Variants in NOMO2 observed in about 807,000 individuals in gnomAD.
The protein encoded by NOMO2 is NODAL modulator 2.
A neutral mutation model predicts 67.1 loss-of-function variants in NOMO2; 14 were observed. That is an observed-to-expected ratio of 0.21 (90% CI 0.14 to 0.33). The LOEUF (loss-of-function observed/expected upper bound fraction) is 0.33. Among genes scored for constraint, NOMO2 ranks in the 10% least tolerant of loss-of-function variants. The probability of loss-of-function intolerance (pLI) is 1.00; values close to 1 mark genes in which losing one functional copy is unlikely to be tolerated. For synonymous variants in NOMO2, 80 were observed against 305.9 expected (o/e 0.26, Z 7.71); for missense variants, 178 against 761.0 (o/e 0.23, Z 9.01).
chr16:18,535,768 A>G (rs528919743), intron 11 of NOMO2, among the ~76,000 whole-genome samples: 8 of 151,744 alleles, frequency 5.3e-5, no homozygotes, highest in Non-Finnish European at 1.0e-4. Context: ...TTAAAGTACC[A>G]TGATCCCTAT....
rs567785464 is a variant in NOMO2 at position 18,529,615 on chromosome 16, C to A, written c.1692G>T (p.Trp564Cys). Residue 564 changes from tryptophan (W) to cysteine (C), a missense_variant, in exon 15 of 31, where the codon TGG (tryptophan) becomes TGT (cysteine). Trp to Cys is a radical substitution (Grantham distance 215). Coordinates refer to ENST00000622306, the MANE Select transcript of NOMO2 (RefSeq NM_173614.4). ...KYKISIMHED[W>C]CWKNKSLEVE... is the part of the protein sequence containing the mutation. ...CCTCCAGGCTCTTGTTCTTCCAGCA[C>A]CAATCCTCATGCATGATGCTTACTG... 1.2e-6 allele frequency: 2 copies of A among 1,600,072 alleles called. No homozygotes were observed. Among genetic ancestry groups the A allele is most frequent in the African/African-American group, 1.4e-5 (1 of 73,948 alleles).
chr16:18,545,157 G>C (rs1901637904), intron 6 of NOMO2, among the ~76,000 whole-genome samples: 2 of 146,666 alleles, frequency 1.4e-5, no homozygotes, highest in African/African-American at 5.0e-5. Flanking sequence ...GTGCAGTGGT[G>C]CAATCTTGGC....
chr16:18,544,765 T>C (rs1901627642), intron 6 of NOMO2, among the ~76,000 whole-genome samples: 1 of 151,840 alleles, frequency 6.6e-6, no homozygotes, highest in Non-Finnish European at 1.5e-5. Flanking sequence ...CTTTTCACAA[T>C]ATGTGTATAT....
intron 2 of NOMO2, among the ~76,000 whole-genome samples, chr16:18,557,471 C>A (rs1327721470): frequency 4.0e-5 from 6 of 151,748 alleles, no homozygotes; most frequent in South Asian, 2.1e-4. Context: ...GATGTCACAA[C>A]AAAAACGTCT....
chr16:18,560,412 T>C (rs1179736736), intron 1 of NOMO2, among the ~76,000 whole-genome samples: 2 of 151,462 alleles, frequency 1.3e-5, no homozygotes, highest in South Asian at 2.1e-4. Flanking sequence ...AAACTACAAG[T>C]TGCAAGAGGC....
At chr16:18,528,694 C>T (rs1022063579) in intron 15 of NOMO2, among the ~76,000 whole-genome samples, 2 of 151,684 alleles carry the variant, frequency 1.3e-5, no homozygotes, top group African/African-American at 2.4e-5. Flanking sequence ...ATGGCTCACG[C>T]CTGTAATCCT....
chr16:18,547,863 G>C (rs1311618731), intron 5 of NOMO2, among the ~76,000 whole-genome samples: 2 of 150,002 alleles, frequency 1.3e-5, no homozygotes, highest in African/African-American at 4.9e-5. Context: ...TTTGCACAAA[G>C]CAACTGAGAT....
chr16:18,560,657 G>T (rs530806286), intron 1 of NOMO2, among the ~76,000 whole-genome samples: 1 of 151,710 alleles, frequency 6.6e-6, no homozygotes, highest in African/African-American at 2.4e-5. Flanking sequence ...AGAAGATCAC[G>T]GATCCGCTTG....
At chr16:18,526,554 A>G (rs1167959619) in intron 16 of NOMO2, among the ~76,000 whole-genome samples, 3 of 151,814 alleles carry the variant, frequency 2.0e-5, no homozygotes, top group East Asian at 1.9e-4. Context: ...AATATGATAT[A>G]ACCACACACC....
intron 6 of NOMO2, among the ~76,000 whole-genome samples, chr16:18,545,091 G>C (rs1403318866): frequency 8.4e-6 from 1 of 118,756 alleles, no homozygotes; most frequent in Non-Finnish European, 1.8e-5. Flanking sequence ...CTTTCATTTC[G>C]AATAAATTTT....
rs139467777 is a variant in NOMO2 at position 18,536,086 on chromosome 16, A to G, written c.1220+2440T>C. Reference sequence around the variant, plus strand: ...GCTGAGATCATAGGCGTGAGCCACCATGCCCGGCCAACCAACAGACAACTC... The same window carrying G: ...GCTGAGATCATAGGCGTGAGCCACCGTGCCCGGCCAACCAACAGACAACTC... On this transcript the variant is annotated intron_variant, in intron 11 of 30. Coordinates refer to ENST00000622306, the MANE Select transcript of NOMO2 (RefSeq NM_173614.4). Among the ~76,000 whole-genome samples, 90 of 151,890 alleles carry G rather than the reference A, an allele frequency of 5.9e-4. 1 individual carries two copies. The highest frequency in any genetic ancestry group is 2.7e-3 in the South Asian group (13 of 4,756).
At chr16:18,535,688 C>T (rs1901402892) in intron 11 of NOMO2, among the ~76,000 whole-genome samples, 1 of 151,964 alleles carries the variant, frequency 6.6e-6, no homozygotes, top group South Asian at 2.1e-4. Flanking sequence ...CATATCTGGC[C>T]CCTCCATTCA....
At position 18,544,694 on chromosome 16, in the gene NOMO2, T is replaced by G. The variant is rs563275877; in HGVS notation, c.583-925A>C. On this transcript the variant is annotated intron_variant, in intron 6 of 30. Transcript: ENST00000622306. Reference sequence around the variant, plus strand: ...GTAAACCTATTCTGGCTCAGGGGGCTGCCCAATTGACAAATTGTTCTATGC... The same window carrying G: ...GTAAACCTATTCTGGCTCAGGGGGCGGCCCAATTGACAAATTGTTCTATGC... Among the ~76,000 whole-genome samples the G allele has an allele frequency of 3.7e-4, 56 of 152,136 alleles. 1 individual carries two copies. The highest frequency in any genetic ancestry group is 1.9e-4 in the Non-Finnish European group (13 of 68,036).
intron 14 of NOMO2, among the ~76,000 whole-genome samples, chr16:18,530,069 G>A (rs1173189163): frequency 1.7e-5 from 2 of 117,934 alleles, no homozygotes; most frequent in African/African-American, 2.9e-5. Context: ...AGTGAGCCAA[G>A]GTCGCGCCAC....
intron 16 of NOMO2, among the ~76,000 whole-genome samples, chr16:18,526,148 T>A (rs1350958991): frequency 4.0e-5 from 6 of 151,734 alleles, no homozygotes; most frequent in Non-Finnish European, 7.4e-5. Flanking sequence ...AGTTTGTATT[T>A]TATCTTGGGA....
intron 11 of NOMO2, chr16:18,533,867 G>A (rs945378492): frequency 1.3e-5 from 2 of 151,724 alleles, no homozygotes; most frequent in South Asian, 2.1e-4. Context: ...AATAACACAC[G>A]AGAGGCCCCC....
chr16:18,558,798 G>C (rs1389913553), intron 1 of NOMO2: 3 of 455,122 alleles, frequency 6.6e-6, no homozygotes, highest in Non-Finnish European at 1.3e-5. Flanking sequence ...TGTAGACACA[G>C]AGCCGCTCCT....
At chr16:18,535,979 G>A (rs1386286612) in intron 11 of NOMO2, among the ~76,000 whole-genome samples, 10 of 151,954 alleles carry the variant, frequency 6.6e-5, no homozygotes, top group African/African-American at 2.4e-4. Flanking sequence ...TGTATCTTTA[G>A]TACAGACCGG....
At chr16:18,557,439 G>C (rs1901933411) in intron 2 of NOMO2, among the ~76,000 whole-genome samples, 1 of 151,466 alleles carries the variant, frequency 6.6e-6, no homozygotes, top group South Asian at 2.1e-4. Context: ...TACTCACTGG[G>C]TGACTGTAGC....
Sources: allele counts gnomAD v4.1 joint callset (sites outside exome capture counted in the v4.1 genomes callset), GRCh38; gene constraint gnomAD v4.1.1; transcripts MANE v1.5; gene names NCBI Gene and HGNC (gene_info 2026-07-23, HGNC 2026-07-21).